The following MYO5A variants were observed in gnomAD, a reference collection of about 807,000 sequenced individuals.
The protein encoded by MYO5A is myosin VA.
In MYO5A, 98 loss-of-function variants were observed where a neutral mutation model predicts 249.7. The observed-to-expected ratio is 0.39, with a 90% CI of 0.33 to 0.46. The LOEUF (loss-of-function observed/expected upper bound fraction) is 0.46, where lower values mean the gene tolerates loss of function less well. Among genes scored for constraint, MYO5A ranks in the 20% least tolerant of loss-of-function variants. The pLI, the probability that MYO5A is intolerant of heterozygous loss-of-function variation, is 0.98. For missense variants in MYO5A, 1,696 were observed against 2,308.8 expected (o/e 0.73, Z 5.44); for synonymous variants, 778 against 810.6 (o/e 0.96, Z 0.68).
intron 20 of MYO5A, among the ~76,000 whole-genome samples, chr15:52,374,065 T>TC (rs1437688842): frequency 6.6e-6 from 1 of 152,182 alleles, no homozygotes; most frequent in Admixed American, 6.5e-5. Flanking sequence ...AATGGTGATG[T>TC]CCATAGAGCT....
intron 31 of MYO5A, 65 bp downstream of exon 31, chr15:52,343,052 G>T: frequency 7.7e-7 from 1 of 1,291,850 alleles, no homozygotes; most frequent in Non-Finnish European, 1.1e-6. Context: ...TGAAAGTCAG[G>T]AGGTCACTGT....
intron 37 of MYO5A, among the ~76,000 whole-genome samples, chr15:52,321,792 T>TAAAAAAAAAAAA: frequency 1.1e-5 from 1 of 92,842 alleles, no homozygotes; most frequent in Non-Finnish European, 2.2e-5. Context: ...GGAACTTAAC[T>TAAAAAAAAAAAA]AAAAAAAAAA....
At chr15:52,492,211 A>C (rs2076948914) in intron 1 of MYO5A, among the ~76,000 whole-genome samples, 2 of 152,214 alleles carry the variant, frequency 1.3e-5, no homozygotes, top group Admixed American at 1.3e-4. Flanking sequence ...GTGATTTGGT[A>C]GGAGGGTTCA....
intron 12 of MYO5A, among the ~76,000 whole-genome samples, chr15:52,389,679 G>A (rs574506364): frequency 7.9e-4 from 121 of 152,260 alleles, no homozygotes; most frequent in African/African-American, 2.8e-3. Flanking sequence ...CTGGCCGGGC[G>A]TGGTGGCTCA....
intron 1 of MYO5A, among the ~76,000 whole-genome samples, chr15:52,461,120 T>G (rs1184340395): frequency 2.0e-5 from 3 of 152,116 alleles, no homozygotes; most frequent in Non-Finnish European, 4.4e-5. Flanking sequence ...GCCTGTTTAA[T>G]TTTTGTATTT....
At chr15:52,469,989 T>C (rs766598261) in intron 1 of MYO5A, among the ~76,000 whole-genome samples, 3 of 152,228 alleles carry the variant, frequency 2.0e-5, no homozygotes, top group South Asian at 4.1e-4. Context: ...ATTTCCTTGA[T>C]TGGCACTGTT....
chr15:52,369,233 G>A (rs4624108), intron 22 of MYO5A, among the ~76,000 whole-genome samples: 14,774 of 152,116 alleles, frequency 0.097, 2,235 homozygotes, highest in African/African-American at 0.33. Flanking sequence ...CTCACTGCAT[G>A]TGCTGATATT....
At chr15:52,495,494 A>G (rs1383546031) in intron 1 of MYO5A, among the ~76,000 whole-genome samples, 1 of 94,264 alleles carries the variant, frequency 1.1e-5, no homozygotes, top group East Asian at 2.9e-4. Context: ...ATGATAATCA[A>G]TGGTTAATAA....
intron 1 of MYO5A, among the ~76,000 whole-genome samples, chr15:52,503,670 A>G (rs2077202621): frequency 6.6e-6 from 1 of 152,196 alleles, no homozygotes; most frequent in African/African-American, 2.4e-5. Flanking sequence ...AATTTTAGAA[A>G]CAACAAAACT....
intron 32 of MYO5A, 56 bp from the exon 33 acceptor site, chr15:52,337,940 C>T (rs757821031): frequency 5.8e-6 from 7 of 1,200,330 alleles, no homozygotes; most frequent in African/African-American, 4.6e-5. Flanking sequence ...GAGGGAAATG[C>T]TATCTTTCAG....
At chr15:52,379,943 G>T (rs757888642) in intron 16 of MYO5A, 35 bp from the exon 17 acceptor site, 2 of 1,609,270 alleles carry the variant, frequency 1.2e-6, no homozygotes, top group Non-Finnish European at 1.7e-6. Context: ...AGTCCACAAA[G>T]AACCTGGCTG....
intron 3 of MYO5A, among the ~76,000 whole-genome samples, chr15:52,426,548 G>A (rs1261355332): frequency 1.3e-5 from 2 of 152,056 alleles, no homozygotes; most frequent in East Asian, 1.9e-4. Flanking sequence ...CTACAGCCTA[G>A]ACCTCCCAGG....
At chr15:52,446,822 C>T (rs932439575) in intron 1 of MYO5A, among the ~76,000 whole-genome samples, 5 of 152,160 alleles carry the variant, frequency 3.3e-5, no homozygotes, top group East Asian at 3.8e-4. Context: ...TTAATGATTG[C>T]CCTGCTAGGT....
Position 52,348,829 on chromosome 15 carries a change from G to C in MYO5A, c.3850-3C>G. ...AAAGGTATAATTACCTTGTCATCCT[G>C]AGAATCACAAGTCAGCAAGCACAAA... On this transcript the variant is annotated splice_region_variant and splice_polypyrimidine_tract_variant and intron_variant, in intron 28 of 41. Transcript: ENST00000399233. 1 of 1,588,714 alleles carries C rather than the reference G, an allele frequency of 6.3e-7. No individual in the cohort carries two copies. Among genetic ancestry groups the C allele is most frequent in the Non-Finnish European group, 8.6e-7 (1 of 1,167,514 alleles).
intron 1 of MYO5A, among the ~76,000 whole-genome samples, chr15:52,441,265 G>A (rs1225733461): frequency 2.0e-5 from 3 of 152,128 alleles, no homozygotes; most frequent in African/African-American, 7.2e-5. Context: ...TAGTAATGGT[G>A]TATTTTGTAT....
rs555871002 is a variant in MYO5A at position 52,429,172 on chromosome 15, A to C, written c.139-603T>G. Among the ~76,000 whole-genome samples, 19 of 152,178 alleles carry C rather than the reference A, an allele frequency of 1.2e-4. No homozygotes were observed. In the South Asian group the frequency reaches 3.9e-3, roughly 32 times the overall value. Reference sequence around the variant, plus strand: ...TCTGTGTGTATGTGCACATATGTGTACTTTTTTTGAGGCAAGACAATTCAT... The same window carrying C: ...TCTGTGTGTATGTGCACATATGTGTCCTTTTTTTGAGGCAAGACAATTCAT... On this transcript the variant is annotated intron_variant, in intron 2 of 41. Transcript: ENST00000399233.
chr15:52,440,212 G>A (rs936361910), intron 1 of MYO5A, among the ~76,000 whole-genome samples: 1 of 152,184 alleles, frequency 6.6e-6, no homozygotes, highest in Non-Finnish European at 1.5e-5. Context: ...CACCTCCTTG[G>A]GGGTTACACC....
chr15:52,425,347 G>GGTTTGTTTGTTT (rs111457486), intron 4 of MYO5A, among the ~76,000 whole-genome samples: 153 of 151,364 alleles, frequency 1.0e-3, no homozygotes, highest in Middle Eastern at 6.8e-3. Context: ...AAATGTGAGG[G>GGTTTGTTTGTTT]GTTTGTTTGT....
At chr15:52,406,413 C>A (rs2043005676) in intron 8 of MYO5A, among the ~76,000 whole-genome samples, 1 of 152,108 alleles carries the variant, frequency 6.6e-6, no homozygotes, top group Non-Finnish European at 1.5e-5. Flanking sequence ...AGAAGAAATG[C>A]AGTGATTTTC....
Sources: allele counts gnomAD v4.1 joint callset (sites outside exome capture counted in the v4.1 genomes callset), GRCh38; gene constraint gnomAD v4.1.1; transcripts MANE v1.5; gene names NCBI Gene and HGNC (gene_info 2026-07-23, HGNC 2026-07-21).